The following COG5 variants were observed in gnomAD, a reference collection of about 807,000 sequenced individuals.
COG5 encodes the protein conserved oligomeric Golgi complex subunit 5.
COG5 carries 86 observed loss-of-function variants against 110.4 expected under a neutral mutation model. That is an observed-to-expected ratio of 0.78 (90% CI 0.65 to 0.93). COG5 has a LOEUF of 0.93. Ranked by LOEUF, COG5 falls within the 40% of genes least tolerant of loss-of-function variation. The pLI is 0.00. For missense variants in COG5, 1,077 were observed against 987.0 expected, an observed-to-expected ratio of 1.09 and a Z score of -1.22; for synonymous variants, 360 against 334.6, an observed-to-expected ratio of 1.08 and a Z score of -0.83.
rs1214546820 is a variant in COG5, at chr7:107,203,340, A to G, written c.*176T>C. The G allele has an allele frequency of 6.0e-5, 37 of 619,472 alleles. No individual in the cohort carries two copies. Among genetic ancestry groups the G allele is most frequent in the Middle Eastern group, 2.8e-4 (1 of 3,580 alleles). The allele number at this position is 619,472 out of a possible 1,614,324, so 38.4% of individuals were successfully genotyped here. ...GGAATTGAAAGGTGGTGATAACTCAACATTTTTTATGCTAAAGTATAAGTG... is the reference window on the plus strand; with the variant it reads ...GGAATTGAAAGGTGGTGATAACTCAGCATTTTTTATGCTAAAGTATAAGTG... On this transcript the variant is annotated 3_prime_UTR_variant, in exon 22 of 22. Coordinates refer to ENST00000297135, the MANE Select transcript of COG5 (RefSeq NM_006348.5).
intron 5 of COG5, among the ~76,000 whole-genome samples, chr7:107,534,252 C>T (rs1004183961): frequency 3.3e-5 from 5 of 151,546 alleles, no homozygotes; most frequent in Admixed American, 2.6e-4. Context: ...GAAGAATCTG[C>T]ATCAACTAAT....
chr7:107,507,673 C>A (rs979309073), intron 6 of COG5, among the ~76,000 whole-genome samples: 2 of 151,082 alleles, frequency 1.3e-5, no homozygotes, highest in Non-Finnish European at 2.9e-5. Flanking sequence ...ACATTAATTA[C>A]TTCAGTAATT....
chr7:107,426,583 G>T (rs1486000601), intron 6 of COG5, among the ~76,000 whole-genome samples: 1 of 152,084 alleles, frequency 6.6e-6, no homozygotes, highest in Non-Finnish European at 1.5e-5. Context: ...GGGCTCTCTG[G>T]GATCCCTTTT....
At chr7:107,322,900 G>A (rs1221842245) in intron 11 of COG5, among the ~76,000 whole-genome samples, 1 of 152,110 alleles carries the variant, frequency 6.6e-6, no homozygotes, top group East Asian at 1.9e-4. Flanking sequence ...ATGGACTACC[G>A]ATATATGCAA....
At chr7:107,386,691 C>T (rs1790234076) in intron 7 of COG5, among the ~76,000 whole-genome samples, 1 of 152,032 alleles carries the variant, frequency 6.6e-6, no homozygotes, top group African/African-American at 2.4e-5. Flanking sequence ...AATTAAGGGA[C>T]CTGATGCAAA....
intron 12 of COG5, among the ~76,000 whole-genome samples, chr7:107,294,938 CACACACACACACAT>C (rs1806518757): frequency 8.7e-6 from 1 of 115,546 alleles, no homozygotes; most frequent in African/African-American, 3.1e-5. Context: ...TATACACACA[CACACACACACACAT>C]ATATATATAC....
chr7:107,249,108 T>C (rs1424496116), intron 16 of COG5, among the ~76,000 whole-genome samples: 1 of 152,174 alleles, frequency 6.6e-6, no homozygotes, highest in Non-Finnish European at 1.5e-5. Flanking sequence ...TACCCGCAAG[T>C]AGGCTCCAGA....
intron 6 of COG5, among the ~76,000 whole-genome samples, chr7:107,467,962 C>T (rs1227049958): frequency 6.6e-6 from 1 of 152,102 alleles, no homozygotes; most frequent in Non-Finnish European, 1.5e-5. Flanking sequence ...TTGAAATAAT[C>T]TGAATATAAC....
intron 6 of COG5, among the ~76,000 whole-genome samples, chr7:107,427,992 G>A (rs1017321951): frequency 2.6e-5 from 4 of 152,062 alleles, no homozygotes; most frequent in African/African-American, 9.7e-5. Context: ...GGAAGTGCGT[G>A]CTGACTGGTT....
At chr7:107,355,074 T>C (rs1812504445) in intron 10 of COG5, among the ~76,000 whole-genome samples, 1 of 152,218 alleles carries the variant, frequency 6.6e-6, no homozygotes, top group Admixed American at 6.5e-5. Flanking sequence ...ATATAACACA[T>C]AAAGATTATT....
chr7:107,246,298 G>T (rs1168131604), intron 17 of COG5, among the ~76,000 whole-genome samples: 1 of 152,050 alleles, frequency 6.6e-6, no homozygotes, highest in African/African-American at 2.4e-5. Flanking sequence ...CTGAACAAAG[G>T]AATAGGCAAA....
chr7:107,445,158 G>T (rs1164603858), intron 6 of COG5, among the ~76,000 whole-genome samples: 1 of 151,870 alleles, frequency 6.6e-6, no homozygotes, highest in Non-Finnish European at 1.5e-5. Context: ...CCGTGATTAG[G>T]CCACTGCACT....
chr7:107,253,625 T>C (rs1802676366), intron 16 of COG5, among the ~76,000 whole-genome samples: 1 of 152,122 alleles, frequency 6.6e-6, no homozygotes, highest in African/African-American at 2.4e-5. Flanking sequence ...CAATATTAAT[T>C]ATGTCATTCA....
At chr7:107,345,915 T>C (rs1811562866) in intron 10 of COG5, among the ~76,000 whole-genome samples, 1 of 152,224 alleles carries the variant, frequency 6.6e-6, no homozygotes, top group African/African-American at 2.4e-5. Context: ...CCTAATCTGG[T>C]ATTACTTTGC....
intron 12 of COG5, among the ~76,000 whole-genome samples, chr7:107,289,023 C>T (rs1805937294): frequency 1.5e-5 from 2 of 135,450 alleles, no homozygotes; most frequent in Non-Finnish European, 3.1e-5. Flanking sequence ...ATGGGGTTTC[C>T]CTATCTTGTC....
rs143391319 is a variant in COG5 at position 107,533,624 on chromosome 7, T to C, written c.418-6267A>G. On this transcript the variant is annotated intron_variant, in intron 5 of 21. Transcript: ENST00000297135. ...GAAGAAAAGATCAGAGAAAAAAGAA[T>C]GAAAAAGAACAAACAAAGCCTCCAA... Among the ~76,000 whole-genome samples, 723 of 151,330 alleles carry C rather than the reference T, an allele frequency of 4.8e-3. 40 individuals are homozygous for C. Among genetic ancestry groups the C allele is most frequent in the African/African-American group, 0.016 (665 of 40,842 alleles).
At chr7:107,203,736 G>C (rs922728833) in intron 21 of COG5, 106 bp from the exon 22 acceptor site, 1 of 749,440 alleles carries the variant, frequency 1.3e-6, no homozygotes, top group Non-Finnish European at 2.3e-6. Flanking sequence ...TTCTGGAACT[G>C]TTAATGCTCG....
intron 7 of COG5, among the ~76,000 whole-genome samples, chr7:107,410,938 C>A (rs1284904563): frequency 1.3e-5 from 2 of 152,114 alleles, no homozygotes; most frequent in Non-Finnish European, 2.9e-5. Flanking sequence ...GGGCACTAGA[C>A]TCAAGTTTGG....
intron 8 of COG5, among the ~76,000 whole-genome samples, chr7:107,368,949 T>C (rs17154043): frequency 0.013 from 2,024 of 152,294 alleles, 54 homozygotes; most frequent in African/African-American, 0.045. Context: ...TCTCAACAGA[T>C]GTAATGGTAT....
Sources: gnomAD v4.1 joint callset for allele counts (sites outside exome capture counted in the v4.1 genomes callset) on GRCh38, gnomAD v4.1.1 for gene constraint, MANE v1.5 for transcripts, NCBI Gene and HGNC (gene_info 2026-07-23, HGNC 2026-07-21) for gene names.